Variants in TRAPPC9 observed in about 807,000 individuals in gnomAD.
TRAPPC9 encodes trafficking protein particle complex subunit 9.
TRAPPC9 carries 83 observed loss-of-function variants against 124.0 expected under a neutral mutation model. The ratio of observed to expected loss-of-function variants is 0.67; its 90% CI spans 0.56 to 0.80. The LOEUF is 0.80. Among genes scored for constraint, TRAPPC9 ranks in the 30% least tolerant of loss-of-function variants. The pLI, the probability that TRAPPC9 is intolerant of heterozygous loss-of-function variation, is 0.00. For missense variants in TRAPPC9, 1,302 were observed against 1,508.3 expected (o/e 0.86, Z 2.27); for synonymous variants, 638 against 617.5 (o/e 1.03, Z -0.49).
In TRAPPC9 at chr8:139,800,781, CACCTTCCCTCCGTCCGGTATCTTT is replaced by C. The variant is rs1823448356; in HGVS notation, c.3056-68603_3056-68580del. On this transcript the variant is annotated intron_variant, in intron 21 of 22. Transcript: ENST00000438773. Reference sequence around the variant, plus strand: ...TCTCTGGTATCTTCCCTCCCTCCGGCACCTTCCCTCCGTCCGGTATCTTTACCTTCCCTCCCTCCAGCACCTTCC... The same window carrying C: ...TCTCTGGTATCTTCCCTCCCTCCGGCACCTTCCCTCCCTCCAGCACCTTCC... 2.0e-5 allele frequency among the ~76,000 whole-genome samples: 3 copies of C among 149,184 alleles called. No individual in the cohort carries two copies. The East Asian group carries it at 6.1e-4, about 30-fold the overall frequency.
intron 9 of TRAPPC9, among the ~76,000 whole-genome samples, chr8:140,319,042 TA>T (rs2066517445): frequency 6.6e-6 from 1 of 152,228 alleles, no homozygotes; most frequent in Admixed American, 6.5e-5. Flanking sequence ...ATGATTTGGT[TA>T]GTGGGAGGTG....
At chr8:139,804,552 GCCA>G (rs1252142021) in intron 21 of TRAPPC9, among the ~76,000 whole-genome samples, 12 of 34,508 alleles carry the variant, frequency 3.5e-4, no homozygotes, top group Admixed American at 1.0e-3. Context: ...ACCCACCACC[GCCA>G]CCAAGCACCA....
chr8:139,788,197 GGC>G lies in TRAPPC9; in HGVS notation c.3056-55997_3056-55996del, dbSNP rs1822409383. On this transcript the variant is annotated intron_variant, in intron 21 of 22. Transcript: ENST00000438773. The surrounding 1 kb of genome is among the most constrained non-coding windows in gnomAD (Gnocchi z 4.9). Reference sequence around the variant, plus strand: ...GATCAAAAACCCACATGCCCCTCTTGGCGCCTGGCAGGGCAGCCCCTCCTGTG... The same window carrying G: ...GATCAAAAACCCACATGCCCCTCTTGGCCTGGCAGGGCAGCCCCTCCTGTG... Among the ~76,000 whole-genome samples the G allele has an allele frequency of 6.6e-6, 1 of 152,194 alleles. No individual in the cohort carries two copies. Among genetic ancestry groups the G allele is most frequent in the African/African-American group, 2.4e-5 (1 of 41,448 alleles).
intron 19 of TRAPPC9, among the ~76,000 whole-genome samples, chr8:139,923,117 C>T (rs199795169): frequency 0.027 from 2,934 of 107,602 alleles, 104 homozygotes; most frequent in African/African-American, 0.083. Flanking sequence ...CCATCCGTTC[C>T]GGAGGTGAAT....
chr8:139,994,356 T>C (rs372450096), intron 18 of TRAPPC9, among the ~76,000 whole-genome samples: 3 of 152,274 alleles, frequency 2.0e-5, no homozygotes, highest in East Asian at 3.9e-4. Flanking sequence ...AGGAAATAAT[T>C]GCTCTCCCAA....
At chr8:139,929,264 T>G (rs1832982487) in intron 19 of TRAPPC9, among the ~76,000 whole-genome samples, 1 of 152,226 alleles carries the variant, frequency 6.6e-6, no homozygotes, top group Non-Finnish European at 1.5e-5. Context: ...ACGATGTCTC[T>G]AAAGTCTTAC....
chr8:139,784,645 A>AT lies in TRAPPC9; in HGVS notation c.3056-52444_3056-52443insA, dbSNP rs71318315. 1.9e-3 allele frequency among the ~76,000 whole-genome samples: 262 copies of AT among 140,880 alleles called. 1 individual carries two copies. Among genetic ancestry groups the AT allele is most frequent in the Non-Finnish European group, 1.9e-3 (126 of 64,882 alleles). The allele number at this position is 140,880 out of a possible 152,430, so 92.4% of individuals were successfully genotyped here. ...TATATATATATATATATATATATATAAATCAACTGCATTTCCATATAGTAA... is the reference window on the plus strand; with the variant it reads ...TATATATATATATATATATATATATATAATCAACTGCATTTCCATATAGTAA... On this transcript the variant is annotated intron_variant, in intron 21 of 22. Transcript: ENST00000438773.
In TRAPPC9 at chr8:139,825,717, G is replaced by A. The variant is rs574531215; in HGVS notation, c.3055+60162C>T. 1.4e-4 allele frequency among the ~76,000 whole-genome samples: 21 copies of A among 152,236 alleles called. No individual in the cohort carries two copies. In the South Asian group the frequency reaches 3.5e-3, roughly 26 times the overall value. On this transcript the variant is annotated intron_variant, in intron 21 of 22. Coordinates refer to ENST00000438773, the MANE Select transcript of TRAPPC9 (RefSeq NM_001160372.4). The surrounding 1 kb of genome is among the most constrained non-coding windows in gnomAD (Gnocchi z 4.6). ...AGCCAGTGATCAGACGCCCCGTGGA[G>A]GATACCGCCGAGCAGCCAGCTTGCC...
intron 16 of TRAPPC9, among the ~76,000 whole-genome samples, chr8:140,235,089 G>A (rs2063700997): frequency 6.6e-6 from 1 of 152,098 alleles, no homozygotes; most frequent in Non-Finnish European, 1.5e-5. Flanking sequence ...TCCTGCCTCA[G>A]CCTCCCGAGT....
chr8:140,419,973 A>C (rs1001133917), intron 5 of TRAPPC9, among the ~76,000 whole-genome samples: 1 of 152,198 alleles, frequency 6.6e-6, no homozygotes, highest in Non-Finnish European at 1.5e-5. Flanking sequence ...TCCACTAAAA[A>C]ACTTTTAGAG....
At chr8:140,390,209 G>A (rs1179933732) in intron 7 of TRAPPC9, among the ~76,000 whole-genome samples, 1 of 152,148 alleles carries the variant, frequency 6.6e-6, no homozygotes, top group Non-Finnish European at 1.5e-5. Context: ...TGAGGCTGAG[G>A]CAGGAGAATC....
At chr8:140,310,332 T>G (rs1046207788) in intron 10 of TRAPPC9, among the ~76,000 whole-genome samples, 3 of 152,068 alleles carry the variant, frequency 2.0e-5, no homozygotes, top group Admixed American at 6.6e-5. Flanking sequence ...TGGGGAACAA[T>G]AGCCAAGCCA....
At chr8:139,792,905 G>A (rs373848314) in intron 21 of TRAPPC9, among the ~76,000 whole-genome samples, 8 of 152,212 alleles carry the variant, frequency 5.3e-5, no homozygotes, top group African/African-American at 7.2e-5. Context: ...GGGTCTCCAC[G>A]GGCCATCTTC....
chr8:140,166,190 A>G (rs1004571142), intron 17 of TRAPPC9, among the ~76,000 whole-genome samples: 2 of 152,246 alleles, frequency 1.3e-5, no homozygotes, highest in Non-Finnish European at 2.9e-5. Context: ...GCAATAACGC[A>G]TGCCCATCAG....
At chr8:140,009,688 T>C (rs1054226967) in intron 18 of TRAPPC9, among the ~76,000 whole-genome samples, 2 of 152,126 alleles carry the variant, frequency 1.3e-5, no homozygotes, top group East Asian at 1.9e-4. Context: ...TGACATCCAC[T>C]CCCGCCCGTG....
In TRAPPC9 at chr8:140,077,983, A is replaced by G. The variant is rs568472657; in HGVS notation, c.2557-53904T>C. Among the ~76,000 whole-genome samples, 360 of 152,302 alleles carry G rather than the reference A, an allele frequency of 2.4e-3. 1 individual carries two copies. Among genetic ancestry groups the G allele is most frequent in the South Asian group, 0.01 (49 of 4,816 alleles). On this transcript the variant is annotated intron_variant, in intron 17 of 22. Transcript: ENST00000438773. ...ACTTTATCCTGCATTTGTCATGGAG[A>G]TAAAATAATTAGATACAAAGTGTGA...
rs2070773692 is a variant in TRAPPC9 at position 140,435,249 on chromosome 8, TA to T, written c.731-10del. ...CAATCCTTCCAGGGCAGCTGGGCAT[TA>T]AGAAAACAAAAAACAAAAACCAGAA... On this transcript the variant is annotated splice_polypyrimidine_tract_variant and intron_variant, in intron 3 of 22. Transcript: ENST00000438773. 2.5e-6 allele frequency: 4 copies of T among 1,605,780 alleles called. No homozygotes were observed. Among genetic ancestry groups the T allele is most frequent in the African/African-American group, 1.4e-5 (1 of 72,986 alleles).
chr8:140,247,705 T>C (rs1256068554), intron 16 of TRAPPC9, among the ~76,000 whole-genome samples: 1 of 152,198 alleles, frequency 6.6e-6, no homozygotes, highest in East Asian at 1.9e-4. Flanking sequence ...ACGTTAGATC[T>C]TCTTTGCCTA....
Position 140,450,912 on chromosome 8 carries a change from T to C in TRAPPC9, c.462A>G (p.Ser154=). Residue 154 remains serine, a synonymous_variant, in exon 2 of 23, where the codon TCA becomes TCG. Coordinates refer to ENST00000438773, the MANE Select transcript of TRAPPC9 (RefSeq NM_001160372.4). The stretch of plus-strand genomic sequence containing the variant: ...GCTTGGACTCCAGCACGATGAACAG[T>C]GACTCGATGAAGTCCTCGATTCTCT... The part of the protein sequence containing the change: ...VEKRIEDFIE[S]LFIVLESKRL... 1 of 1,614,176 alleles carries C rather than the reference T, an allele frequency of 6.2e-7. No individual in the cohort carries two copies. Among genetic ancestry groups the C allele is most frequent in the South Asian group, 1.1e-5 (1 of 91,082 alleles).
Sources: gnomAD v4.1 joint callset for allele counts (sites outside exome capture counted in the v4.1 genomes callset) on GRCh38, gnomAD v4.1.1 for gene constraint, Gnocchi (gnomAD v3.1) non-coding constraint, MANE v1.5 for transcripts, NCBI Gene and HGNC (gene_info 2026-07-23, HGNC 2026-07-21) for gene names.